PLA2G4C: variants seen among roughly 807,000 people sequenced by gnomAD.
PLA2G4C encodes the protein phospholipase A2 group IVC.
Under a neutral mutation model 73.8 loss-of-function variants are expected in PLA2G4C, and 64 were observed. The observed-to-expected ratio is 0.87, with a 90% confidence interval of 0.71 to 1.07. PLA2G4C has a LOEUF of 1.07. PLA2G4C is among the 50% of genes least tolerant of loss of function. PLA2G4C has a pLI of 0.00. For missense variants in PLA2G4C, 622 were observed against 665.4 expected, an observed-to-expected ratio of 0.93 and a Z score of 0.72; for synonymous variants, 254 against 252.1, an observed-to-expected ratio of 1.01 and a Z score of -0.07.
chr19:48,073,431 C>G (rs780389531), intron 12 of PLA2G4C, among the ~76,000 whole-genome samples: 10 of 151,968 alleles, frequency 6.6e-5, no homozygotes, highest in Non-Finnish European at 8.8e-5. Flanking sequence ...GTCCTCTAGA[C>G]CATGAGTCCT....
intron 1 of PLA2G4C, among the ~76,000 whole-genome samples, chr19:48,107,608 A>G (rs959513831): frequency 2.6e-5 from 4 of 152,036 alleles, no homozygotes; most frequent in African/African-American, 9.7e-5. Context: ...CAGGAAAGGG[A>G]GTCTCCCTTT....
intron 15 of PLA2G4C, 116 bp from the exon 16 acceptor site, chr19:48,053,263 G>A: frequency 1.6e-6 from 1 of 611,616 alleles, no homozygotes; most frequent in Non-Finnish European, 2.7e-6. Flanking sequence ...ACCAAATCCA[G>A]TCGGCCCACT....
chr19:48,094,953 T>A (rs1481616730), intron 7 of PLA2G4C, among the ~76,000 whole-genome samples: 1 of 152,142 alleles, frequency 6.6e-6, no homozygotes, highest in Non-Finnish European at 1.5e-5. Context: ...GGGGCGATCA[T>A]AACTCACTGC....
intron 2 of PLA2G4C, among the ~76,000 whole-genome samples, chr19:48,105,947 C>CTTTCTTTCTTTCTTTCTTTCT (rs1555756111): frequency 1.1e-4 from 1 of 9,164 alleles, no homozygotes; most frequent in Non-Finnish European, 1.7e-4. Context: ...CCCTCCCTCC[C>CTTTCTTTCTTTCTTTCTTTCT]TTCTTTCTTT....
At position 48,061,516 on chromosome 19, in the gene PLA2G4C, G is replaced by A. The variant is rs75849194; in HGVS notation, c.1257+482C>T. 1,358 of 155,606 alleles carry A rather than the reference G, an allele frequency of 8.7e-3. 24 individuals are homozygous for A. Among genetic ancestry groups the A allele is most frequent in the African/African-American group, 0.031 (1,302 of 41,540 alleles). The allele number at this position is 155,606 out of a possible 1,614,324, so 9.6% of individuals were successfully genotyped here. ...GCTGGGATATGAAGGCAGGGAGAAC[G>A]GATCCTAGTGGCCACTGGGAAGGTG... On this transcript the variant is annotated intron_variant, in intron 14 of 16. Transcript: ENST00000599921.
chr19:48,088,221 C>T lies in PLA2G4C; in HGVS notation c.790+465G>A, dbSNP rs78600366. Among the ~76,000 whole-genome samples the T allele has an allele frequency of 4.1e-4, 62 of 152,258 alleles. No homozygotes were observed. In the East Asian group the frequency reaches 0.011, roughly 27 times the overall value. Reference sequence around the variant, plus strand: ...AGTGAACTTGCTCACACAGTGAGCACATCGCTTCTACAACCAGCATATGAG... The same window carrying T: ...AGTGAACTTGCTCACACAGTGAGCATATCGCTTCTACAACCAGCATATGAG... On this transcript the variant is annotated intron_variant, in intron 9 of 16. Coordinates refer to ENST00000599921, the MANE Select transcript of PLA2G4C (RefSeq NM_003706.3).
intron 6 of PLA2G4C, chr19:48,096,574 ACT>A (rs2031580714): frequency 6.6e-6 from 1 of 152,662 alleles, no homozygotes; most frequent in African/African-American, 2.4e-5. Flanking sequence ...CAAGAGCAAA[ACT>A]CTGTCTCAAA....
intron 14 of PLA2G4C, among the ~76,000 whole-genome samples, chr19:48,057,136 TA>T (rs1010598059): frequency 6.6e-6 from 1 of 152,024 alleles, no homozygotes; most frequent in Non-Finnish European, 1.5e-5. Context: ...ACTTAAAAGT[TA>T]AAAAAAGATC....
Position 48,085,109 on chromosome 19 carries a change from A to T in PLA2G4C, c.794T>A (p.Leu265Ter), listed in dbSNP as rs199509839. The T allele has an allele frequency of 1.9e-6, 3 of 1,609,308 alleles. No individual in the cohort carries two copies. The highest frequency in any genetic ancestry group is 1.1e-5 in the South Asian group (1 of 90,992). ...AGCATTAGCAACAGCCCTTCTCCAT[A>T]AACCTGCCAAGAAAATAGCAATAAA... The part of the protein sequence containing the change: ...DQLRNLTLKG[L>*]WRRAVANAKS... The change falls in exon 10 of 17, where the codon TTA becomes TAA. Residue 265 changes from leucine to a stop codon, truncating the protein, a stop_gained. Transcript: ENST00000599921. LOFTEE classifies it high-confidence loss of function.
chr19:48,084,350 G>A (rs901394707), intron 10 of PLA2G4C, among the ~76,000 whole-genome samples: 6 of 151,518 alleles, frequency 4.0e-5, no homozygotes, highest in Admixed American at 1.3e-4. Flanking sequence ...ATGAGCCACT[G>A]CGCCGGGCCA....
At position 48,048,177 on chromosome 19, in the gene PLA2G4C, A is replaced by C. The variant is rs1967592286; in HGVS notation, c.*166T>G. 1.7e-6 allele frequency: 1 copy of C among 582,714 alleles called. No individual in the cohort carries two copies. Among genetic ancestry groups the C allele is most frequent in the Admixed American group, 3.9e-5 (1 of 25,736 alleles). 36.1% of individuals were successfully genotyped at this position (582,714 alleles called of 1,614,324 possible). A position where few individuals can be genotyped will look rare whatever the true frequency, so the allele number is the denominator to read the frequency against. ...GCCTTCTTCTGAATGACGCTATCAA[A>C]ATCACAGTCTAGCTGGTCACTGGTG... is the stretch of plus-strand genomic sequence containing the variant. On this transcript the variant is annotated 3_prime_UTR_variant, in exon 17 of 17. Coordinates refer to ENST00000599921, the MANE Select transcript of PLA2G4C (RefSeq NM_003706.3).
intron 9 of PLA2G4C, 89 bp downstream of exon 9, chr19:48,088,597 C>T: frequency 1.1e-6 from 1 of 873,578 alleles, no homozygotes; most frequent in Non-Finnish European, 2.0e-6. Context: ...ATGAATCATA[C>T]ATGTAATGTT....
At chr19:48,105,918 C>T (rs1205373762) in intron 2 of PLA2G4C, among the ~76,000 whole-genome samples, 3 of 18,128 alleles carry the variant, frequency 1.7e-4, no homozygotes, top group African/African-American at 1.6e-3. Flanking sequence ...TCCCTCCCTC[C>T]CTCCCTCCCT....
rs1448496966 is a variant in PLA2G4C at position 48,102,084 on chromosome 19, T to C, written c.258-2224A>G. Among the ~76,000 whole-genome samples, 5 of 152,252 alleles carry C rather than the reference T, an allele frequency of 3.3e-5. No individual in the cohort carries two copies. In the East Asian group the frequency reaches 9.6e-4, roughly 29 times the overall value. ...GACAAAAGGAATGTCAAATATCTCA[T>C]TAACAATTTTTTTCTTAACGATGTG... On this transcript the variant is annotated intron_variant, in intron 4 of 16. Transcript: ENST00000599921.
intron 9 of PLA2G4C, among the ~76,000 whole-genome samples, chr19:48,087,617 G>T (rs907982601): frequency 6.6e-6 from 1 of 152,120 alleles, no homozygotes. Context: ...AGCTGAGGTG[G>T]CTCCAACCCT....
At chr19:48,068,627 G>A (rs540904703) in intron 12 of PLA2G4C, among the ~76,000 whole-genome samples, 1 of 151,990 alleles carries the variant, frequency 6.6e-6, no homozygotes, top group South Asian at 2.1e-4. Context: ...AGTAGTTCAA[G>A]GCTGAAGTGA....
chr19:48,106,954 C>T (rs1304981603), intron 1 of PLA2G4C, among the ~76,000 whole-genome samples: 1 of 152,124 alleles, frequency 6.6e-6, no homozygotes. Context: ...AAGCGATTCT[C>T]CTGCCTCAGC....
intron 14 of PLA2G4C, among the ~76,000 whole-genome samples, chr19:48,056,718 G>C (rs938595290): frequency 1.3e-5 from 2 of 150,402 alleles, no homozygotes; most frequent in Non-Finnish European, 2.9e-5. Flanking sequence ...TGTAGTCCTA[G>C]CTACTTGGGA....
intron 13 of PLA2G4C, 36 bp downstream of exon 13, chr19:48,067,755 G>A (rs2122515520): frequency 7.2e-7 from 1 of 1,381,912 alleles, no homozygotes; most frequent in Middle Eastern, 1.8e-4. Context: ...TCACACGCAA[G>A]GACAGACCAG....
Sources: allele counts gnomAD v4.1 joint callset (sites outside exome capture counted in the v4.1 genomes callset), GRCh38; gene constraint gnomAD v4.1.1; transcripts MANE v1.5; gene names NCBI Gene and HGNC (gene_info 2026-07-23, HGNC 2026-07-21).